The following PRKCE variants were observed in gnomAD, a reference collection of about 807,000 sequenced individuals.
The protein encoded by PRKCE is protein kinase C epsilon type.
PRKCE carries 16 observed loss-of-function variants against 85.4 expected under a neutral mutation model. That is an observed-to-expected ratio of 0.19 (90% CI 0.13 to 0.28). The LOEUF is 0.28. Ranked by LOEUF, PRKCE falls within the 10% of genes least tolerant of loss-of-function variation. The probability of loss-of-function intolerance (pLI) is 1.00; values close to 1 mark genes in which losing one functional copy is unlikely to be tolerated. For missense variants in PRKCE, 573 were observed against 975.2 expected (o/e 0.59, Z 5.49); for synonymous variants, 388 against 371.5 (o/e 1.04, Z -0.51).
intron 1 of PRKCE, among the ~76,000 whole-genome samples, chr2:45,771,608 C>G (rs1685335361): frequency 1.3e-5 from 2 of 152,168 alleles, no homozygotes; most frequent in South Asian, 2.1e-4. Flanking sequence ...GGCCATCTTC[C>G]TCTTCCTCCC....
rs541340867 is a variant in PRKCE at position 45,697,468 on chromosome 2, C to A, written c.348+45020C>A. ...TAAGGACTAACAAACAAAACCAAAC[C>A]AGAGTGGAAATGGCAACCCGAGGCT... On this transcript the variant is annotated intron_variant, in intron 1 of 14. Coordinates refer to ENST00000306156, the MANE Select transcript of PRKCE (RefSeq NM_005400.3). This position sits in a 1 kb window ranked among gnomAD's most constrained non-coding sequence, Gnocchi z 4.2. Among the ~76,000 whole-genome samples, 1 of 152,116 alleles carries A rather than the reference C, an allele frequency of 6.6e-6. No individual in the cohort carries two copies. Among genetic ancestry groups the A allele is most frequent in the Admixed American group, 6.5e-5 (1 of 15,272 alleles).
At chr2:45,969,141 G>C (rs1407120408) in intron 2 of PRKCE, among the ~76,000 whole-genome samples, 2 of 151,560 alleles carry the variant, frequency 1.3e-5, no homozygotes, top group South Asian at 4.2e-4. Flanking sequence ...GGAGGTTGGG[G>C]TTACTGTGAA....
chr2:46,086,396 G>A lies in PRKCE; in HGVS notation c.1592+34G>A, dbSNP rs775675856. On this transcript the variant is annotated intron_variant, in intron 11 of 14. Transcript: ENST00000306156. The stretch of plus-strand genomic sequence containing the variant: ...TTCTCTCCTCCTCTTTCCTGAAAGT[G>A]AAGAAAATAAAGGATGCTTCAGACA... 2.5e-6 allele frequency: 4 copies of A among 1,586,118 alleles called. No individual in the cohort carries two copies. In the South Asian group the frequency reaches 4.5e-5, roughly 18 times the overall value.
chr2:46,071,911 A>G (rs1178268308), intron 10 of PRKCE, among the ~76,000 whole-genome samples: 2 of 152,184 alleles, frequency 1.3e-5, no homozygotes, highest in Non-Finnish European at 2.9e-5. Flanking sequence ...ACAGCTACCT[A>G]TGCCTGCTTA....
intron 1 of PRKCE, among the ~76,000 whole-genome samples, chr2:45,753,488 A>G (rs1272538266): frequency 2.6e-5 from 4 of 151,770 alleles, no homozygotes; most frequent in African/African-American, 7.3e-5. Flanking sequence ...GTAATATCAT[A>G]TCTTCTTGAT....
intron 1 of PRKCE, among the ~76,000 whole-genome samples, chr2:45,782,102 A>G (rs897644508): frequency 3.9e-5 from 6 of 152,308 alleles, no homozygotes; most frequent in Non-Finnish European, 7.4e-5. Flanking sequence ...GCCTTCATAG[A>G]TGCAGTCCGT....
At chr2:45,894,138 T>G (rs1306996926) in intron 2 of PRKCE, among the ~76,000 whole-genome samples, 3 of 152,096 alleles carry the variant, frequency 2.0e-5, no homozygotes, top group Non-Finnish European at 2.9e-5. Context: ...TGTTCAATAG[T>G]GCATGTCTGT....
intron 1 of PRKCE, among the ~76,000 whole-genome samples, chr2:45,748,746 C>T (rs1245522125): frequency 6.6e-6 from 1 of 152,186 alleles, no homozygotes; most frequent in Non-Finnish European, 1.5e-5. Flanking sequence ...AGGGATGATG[C>T]TCCTGCCCTG....
intron 1 of PRKCE, among the ~76,000 whole-genome samples, chr2:45,768,914 G>T (rs1051185633): frequency 6.6e-6 from 1 of 152,190 alleles, no homozygotes; most frequent in African/African-American, 2.4e-5. Context: ...ATATCTCCAC[G>T]TTACCAGGAC....
chr2:45,807,660 A>G (rs115955028), intron 1 of PRKCE, among the ~76,000 whole-genome samples: 76 of 152,272 alleles, frequency 5.0e-4, no homozygotes, highest in African/African-American at 1.8e-3. Flanking sequence ...CTAACAGTCT[A>G]GCTGAGTGGT....
intron 2 of PRKCE, among the ~76,000 whole-genome samples, chr2:45,906,368 C>T (rs1253368672): frequency 2.6e-5 from 4 of 152,212 alleles, no homozygotes; most frequent in African/African-American, 9.7e-5. Context: ...GTTAATTAAA[C>T]CCCTGTGGAT....
intron 6 of PRKCE, among the ~76,000 whole-genome samples, chr2:45,988,715 G>A (rs977289977): frequency 5.3e-5 from 8 of 152,146 alleles, no homozygotes; most frequent in African/African-American, 1.7e-4. Flanking sequence ...AGACTCATTC[G>A]TGGGTCTGTC....
chr2:45,728,086 C>T (rs563612135), intron 1 of PRKCE, among the ~76,000 whole-genome samples: 1 of 152,288 alleles, frequency 6.6e-6, no homozygotes, highest in East Asian at 1.9e-4. Flanking sequence ...CGTATCTTTT[C>T]TTTTCAAGCC....
At chr2:46,069,073 G>A (rs1217495256) in intron 10 of PRKCE, among the ~76,000 whole-genome samples, 1 of 152,392 alleles carries the variant, frequency 6.6e-6, no homozygotes. Context: ...AAGCACTGCT[G>A]CTTAGAACTG....
intron 1 of PRKCE, among the ~76,000 whole-genome samples, chr2:45,694,085 A>G (rs1572964417): frequency 6.6e-6 from 1 of 151,500 alleles, no homozygotes; most frequent in South Asian, 2.1e-4. Context: ...TTTCTGCTGT[A>G]TCCTAACGAT....
At chr2:45,912,897 A>G (rs903992786) in intron 2 of PRKCE, among the ~76,000 whole-genome samples, 6 of 152,154 alleles carry the variant, frequency 3.9e-5, no homozygotes. Flanking sequence ...CCCAGAATGA[A>G]GTCCTGATGG....
intron 1 of PRKCE, among the ~76,000 whole-genome samples, chr2:45,706,854 C>T (rs11693897): frequency 2.3e-3 from 357 of 152,260 alleles, no homozygotes; most frequent in Non-Finnish European, 3.9e-3. Flanking sequence ...TTACCAGAGT[C>T]CTTTCTCATT....
chr2:46,159,066 G>A lies in PRKCE; in HGVS notation c.1921-540G>A, dbSNP rs1157443744. On this transcript the variant is annotated intron_variant, in intron 13 of 14. Transcript: ENST00000306156. This position sits in a 1 kb window ranked among gnomAD's most constrained non-coding sequence, Gnocchi z 4.1. ...CAAATTCAAACATAAAAACAGTGGA[G>A]AGGGGCTGGGTCCAGGAACAGGAAA... is the stretch of plus-strand genomic sequence containing the variant. Among the ~76,000 whole-genome samples the A allele has an allele frequency of 6.6e-6, 1 of 152,220 alleles. No homozygotes were observed. Among genetic ancestry groups the A allele is most frequent in the Non-Finnish European group, 1.5e-5 (1 of 68,036 alleles).
At chr2:46,118,932 G>A (rs1299944144) in intron 11 of PRKCE, among the ~76,000 whole-genome samples, 2 of 152,176 alleles carry the variant, frequency 1.3e-5, no homozygotes, top group Non-Finnish European at 2.9e-5. Context: ...GCAACAGATG[G>A]AGCAAAAGTT....
Sources: gnomAD v4.1 joint callset for allele counts (sites outside exome capture counted in the v4.1 genomes callset) on GRCh38, gnomAD v4.1.1 for gene constraint, Gnocchi (gnomAD v3.1) non-coding constraint, MANE v1.5 for transcripts, NCBI Gene and HGNC (gene_info 2026-07-23, HGNC 2026-07-21) for gene names.